Variants in ASCC3 observed in about 807,000 individuals in gnomAD.
ASCC3 encodes activating signal cointegrator 1 complex subunit 3.
In ASCC3, 158 loss-of-function variants were observed where a neutral mutation model predicts 256.3. That is an observed-to-expected ratio of 0.62 (90% CI 0.54 to 0.70). The LOEUF (loss-of-function observed/expected upper bound fraction) is 0.70, where lower values mean the gene tolerates loss of function less well. Ranked by LOEUF, ASCC3 falls within the 30% of genes least tolerant of loss-of-function variation. ASCC3 has a pLI of 0.00. For synonymous variants in ASCC3, 948 were observed against 883.4 expected, an observed-to-expected ratio of 1.07 and a Z score of -1.30; for missense variants, 2,259 against 2,626.0, an observed-to-expected ratio of 0.86 and a Z score of 3.05.
chr6:100,612,521 T>C (rs1773456877), intron 30 of ASCC3, among the ~76,000 whole-genome samples: 1 of 152,044 alleles, frequency 6.6e-6, no homozygotes, highest in Admixed American at 6.6e-5. Flanking sequence ...TCTGAAATGC[T>C]CAATAAAAGA....
In ASCC3 at chr6:100,627,949, G is replaced by A. The variant is rs763299223; in HGVS notation, c.4414C>T (p.Arg1472Ter). The A allele has an allele frequency of 3.1e-6, 5 of 1,613,418 alleles. No homozygotes were observed. The highest frequency in any genetic ancestry group is 4.2e-6 in the Non-Finnish European group (5 of 1,179,750). ...RGPVLEVIVSRTNFISSHTEK... is the reference protein window; with the variant it reads ...RGPVLEVIVS ...GTGTGTGATGAGATAAAATTTGTTC[G>A]AGATACAATGACCTCTAGAACAGGG... Residue 1472 changes from arginine (R) to a stop codon, truncating the protein, a stop_gained, in exon 28 of 42, where the codon CGA (arginine) becomes TGA (stop). Coordinates refer to ENST00000369162, the MANE Select transcript of ASCC3 (RefSeq NM_006828.4). LOFTEE classifies it high-confidence loss of function.
chr6:100,577,896 T>C (rs1265523607), intron 36 of ASCC3, among the ~76,000 whole-genome samples: 1 of 152,050 alleles, frequency 6.6e-6, no homozygotes, highest in Non-Finnish European at 1.5e-5. Flanking sequence ...GTGGGTAGAA[T>C]AGTGAGCAAC....
intron 39 of ASCC3, 74 bp from the exon 40 acceptor site, chr6:100,512,992 G>T: frequency 7.5e-7 from 1 of 1,332,664 alleles, no homozygotes; most frequent in Non-Finnish European, 1.0e-6. Flanking sequence ...GAAATAGTGT[G>T]CTTTTAGACG....
At chr6:100,510,338 T>C in intron 40 of ASCC3, 1 of 514,432 alleles carries the variant, frequency 1.9e-6, no homozygotes, top group Non-Finnish European at 3.5e-6. Context: ...TTCGTAGTTG[T>C]AACTATCAGA....
chr6:100,703,228 G>C (rs190622023), intron 13 of ASCC3, among the ~76,000 whole-genome samples: 1 of 152,046 alleles, frequency 6.6e-6, no homozygotes. Flanking sequence ...AAACGTAAGA[G>C]GACAATAATT....
At chr6:100,526,676 T>C (rs1774593348) in intron 37 of ASCC3, among the ~76,000 whole-genome samples, 1 of 152,192 alleles carries the variant, frequency 6.6e-6, no homozygotes, top group Non-Finnish European at 1.5e-5. Context: ...AGATAAAATA[T>C]AGCTTTGACC....
intron 10 of ASCC3, among the ~76,000 whole-genome samples, chr6:100,741,022 T>G (rs796199768): frequency 1.3e-4 from 20 of 152,326 alleles, no homozygotes; most frequent in African/African-American, 4.8e-4. Flanking sequence ...CTGGTAATAG[T>G]TTTTCCTTTC....
chr6:100,642,805 T>G, intron 23 of ASCC3, 56 bp from the exon 24 acceptor site: 12 of 1,409,562 alleles, frequency 8.5e-6, no homozygotes, highest in Middle Eastern at 1.8e-4. Flanking sequence ...ATAAAGGCCT[T>G]ATTAGTCTAT....
At chr6:100,808,625 CTTTCTA>C (rs1305433491) in intron 4 of ASCC3, among the ~76,000 whole-genome samples, 1 of 151,792 alleles carries the variant, frequency 6.6e-6, no homozygotes, top group African/African-American at 2.4e-5. Context: ...TGATACTTTT[CTTTCTA>C]TATTTTACAG....
chr6:100,792,149 C>T (rs1020445069), intron 8 of ASCC3, among the ~76,000 whole-genome samples: 39 of 151,844 alleles, frequency 2.6e-4, no homozygotes, highest in African/African-American at 9.4e-4. Context: ...CATCATAATA[C>T]AGTACTGTAC....
intron 18 of ASCC3, among the ~76,000 whole-genome samples, 155 bp from the exon 19 acceptor site, chr6:100,651,801 T>C (rs968355128): frequency 6.6e-6 from 1 of 151,982 alleles, no homozygotes; most frequent in Non-Finnish European, 1.5e-5. Flanking sequence ...CACTGCTTTA[T>C]AAACATCAAC....
chr6:100,824,943 C>A (rs1771224874), intron 4 of ASCC3, among the ~76,000 whole-genome samples: 1 of 151,682 alleles, frequency 6.6e-6, no homozygotes, highest in Non-Finnish European at 1.5e-5. Context: ...ATAAAAAATA[C>A]AATAAAGGCC....
intron 34 of ASCC3, among the ~76,000 whole-genome samples, chr6:100,590,604 T>G (rs1341892337): frequency 6.6e-6 from 1 of 151,970 alleles, no homozygotes; most frequent in Non-Finnish European, 1.5e-5. Flanking sequence ...CTTTTCCCCA[T>G]CCACATCAAA....
chr6:100,520,022 C>A (rs1017796174), intron 37 of ASCC3, among the ~76,000 whole-genome samples: 2 of 152,070 alleles, frequency 1.3e-5, no homozygotes, highest in African/African-American at 4.8e-5. Flanking sequence ...TGAGTTGAAC[C>A]AAAATGTTGC....
At chr6:100,535,532 C>T (rs1039062887) in intron 37 of ASCC3, among the ~76,000 whole-genome samples, 3 of 143,410 alleles carry the variant, frequency 2.1e-5, no homozygotes, top group Admixed American at 1.5e-4. Flanking sequence ...TGCAGCAGCG[C>T]GATCTTGGCT....
chr6:100,793,089 A>G (rs1256748409), intron 8 of ASCC3, among the ~76,000 whole-genome samples: 1 of 151,996 alleles, frequency 6.6e-6, no homozygotes, highest in African/African-American at 2.4e-5. Flanking sequence ...CATAGTCACC[A>G]TAGCAAAACA....
chr6:100,587,285 G>C (rs1300640608), intron 36 of ASCC3, among the ~76,000 whole-genome samples: 2 of 151,372 alleles, frequency 1.3e-5, no homozygotes, highest in East Asian at 1.9e-4. Context: ...GAGTCATTTG[G>C]TAGTCTTTTC....
In ASCC3 at chr6:100,718,108, T is replaced by G. The variant is rs1276623383; in HGVS notation, c.2046A>C (p.Gly682=). 6.2e-7 allele frequency: 1 copy of G among 1,613,498 alleles called. No individual in the cohort carries two copies. The highest frequency in any genetic ancestry group is 8.5e-7 in the Non-Finnish European group (1 of 1,179,732). The change falls in exon 12 of 42, where the codon GGA becomes GGC. Residue 682 remains glycine (G), a synonymous_variant. Coordinates refer to ENST00000369162, the MANE Select transcript of ASCC3 (RefSeq NM_006828.4). The part of the protein sequence containing the change: ...FDGRFRPVPL[G]QTFLGIKCAN... ...CACATTTAATCCCCAAAAATGTCTG[T>G]CCAAGAGGTACTGGTCGAAAACGGC...
chr6:100,788,320 G>A (rs1769188371), intron 8 of ASCC3, among the ~76,000 whole-genome samples: 1 of 151,838 alleles, frequency 6.6e-6, no homozygotes. Flanking sequence ...ACAATATTAT[G>A]TGCTGACAAA....
Sources: gnomAD v4.1 joint callset for allele counts (sites outside exome capture counted in the v4.1 genomes callset) on GRCh38, gnomAD v4.1.1 for gene constraint, MANE v1.5 for transcripts, NCBI Gene and HGNC (gene_info 2026-07-23, HGNC 2026-07-21) for gene names.